Variants in RAB10 observed in about 807,000 individuals in gnomAD.
The protein encoded by RAB10 is RAB10, member RAS oncogene family, also known as ras-related protein Rab-10.
RAB10 carries 5 observed loss-of-function variants against 25.7 expected under a neutral mutation model. The ratio of observed to expected loss-of-function variants is 0.19; its 90% CI spans 0.10 to 0.41. The LOEUF (loss-of-function observed/expected upper bound fraction) is 0.41, where lower values mean the gene tolerates loss of function less well. RAB10 is among the 10% of genes least tolerant of loss of function. The pLI is 1.00. For synonymous variants in RAB10, 89 were observed against 86.4 expected (o/e 1.03, Z -0.16); for missense variants, 103 against 245.8 (o/e 0.42, Z 3.89).
chr2:26,064,159 A>G (rs1574534373), intron 1 of RAB10, among the ~76,000 whole-genome samples: 1 of 152,182 alleles, frequency 6.6e-6, no homozygotes, highest in African/African-American at 2.4e-5. Context: ...ATAGCCTGCC[A>G]TATTTCTTCA....
chr2:26,051,678 C>T (rs1367940965), intron 1 of RAB10, among the ~76,000 whole-genome samples: 1 of 151,140 alleles, frequency 6.6e-6, no homozygotes, highest in Non-Finnish European at 1.5e-5. Context: ...CACTTGAACC[C>T]AGGAGGCAGA....
intron 1 of RAB10, among the ~76,000 whole-genome samples, chr2:26,048,338 G>C (rs558542103): frequency 1.3e-5 from 2 of 152,296 alleles, no homozygotes; most frequent in Admixed American, 1.3e-4. Flanking sequence ...AGCAGTGTAT[G>C]AGTGCACTTT....
intron 3 of RAB10, 28 bp from the exon 4 acceptor site, chr2:26,127,116 G>A (rs1249856111): frequency 8.5e-6 from 13 of 1,537,012 alleles, no homozygotes; most frequent in Non-Finnish European, 1.2e-5. Context: ...ATGGTAGTAT[G>A]TAAAAGTAAA....
intron 2 of RAB10, 121 bp from the exon 3 acceptor site, chr2:26,109,647 T>G (rs773322801): frequency 3.0e-5 from 30 of 1,016,750 alleles, no homozygotes; most frequent in Non-Finnish European, 3.7e-5. Flanking sequence ...GGTAGGTTAT[T>G]AATTTCCTTC....
At chr2:26,048,414 G>A (rs1666061578) in intron 1 of RAB10, among the ~76,000 whole-genome samples, 1 of 152,298 alleles carries the variant, frequency 6.6e-6, no homozygotes, top group South Asian at 2.1e-4. Context: ...ATTCTGATAA[G>A]TGTGTAGTGA....
At chr2:26,122,643 A>T (rs903978804) in intron 3 of RAB10, among the ~76,000 whole-genome samples, 5 of 152,090 alleles carry the variant, frequency 3.3e-5, no homozygotes, top group African/African-American at 9.7e-5. Context: ...AAAACAAAAA[A>T]AAAGGGCATA....
intron 5 of RAB10, 130 bp from the exon 6 acceptor site, chr2:26,134,808 G>A: frequency 1.5e-6 from 1 of 657,904 alleles, no homozygotes; most frequent in Admixed American, 3.4e-5. Flanking sequence ...TGCACGGAGG[G>A]GAAACCTATC....
chr2:26,045,101 G>C (rs1559577035), intron 1 of RAB10, among the ~76,000 whole-genome samples: 1 of 151,740 alleles, frequency 6.6e-6, no homozygotes, highest in Non-Finnish European at 1.5e-5. Context: ...GCGCATAATA[G>C]AGAAGAGCCG....
At chr2:26,042,398 G>A (rs1173068936) in intron 1 of RAB10, among the ~76,000 whole-genome samples, 1 of 152,128 alleles carries the variant, frequency 6.6e-6, no homozygotes, top group Non-Finnish European at 1.5e-5. Flanking sequence ...CACTTTGGGA[G>A]GCTGAGGCAG....
rs1665725841 is a variant in RAB10 at position 26,034,728 on chromosome 2, C to T, written c.120C>T (p.Ser40=). 3.1e-6 allele frequency: 5 copies of T among 1,614,154 alleles called. No individual in the cohort carries two copies. Among genetic ancestry groups the T allele is most frequent in the African/African-American group, 2.7e-5 (2 of 75,026 alleles). ...SDDAFNTTFI[S]TIGIDFKIKT... is the part of the protein sequence containing the mutation. ...ATGCCTTCAATACTACCTTTATTTC[C>T]ACCATAGGTAAGACCTGTGGGAGGA... is the stretch of plus-strand genomic sequence containing the variant. Residue 40 remains serine (S), a synonymous_variant, in exon 1 of 6, where the codon TCC becomes TCT. Coordinates refer to ENST00000264710, the MANE Select transcript of RAB10 (RefSeq NM_016131.5).
chr2:26,055,890 A>G (rs1666251998), intron 1 of RAB10, among the ~76,000 whole-genome samples: 1 of 148,574 alleles, frequency 6.7e-6, no homozygotes. Context: ...AGAAAGATGT[A>G]GAACTTTTTT....
intron 1 of RAB10, among the ~76,000 whole-genome samples, chr2:26,078,955 C>T (rs912250790): frequency 2.0e-5 from 3 of 152,002 alleles, no homozygotes; most frequent in Non-Finnish European, 2.9e-5. Flanking sequence ...TTTGGGAGGC[C>T]AAGGTGGGCA....
At chr2:26,070,323 T>A (rs929433902) in intron 1 of RAB10, among the ~76,000 whole-genome samples, 6 of 152,196 alleles carry the variant, frequency 3.9e-5, no homozygotes, top group African/African-American at 1.4e-4. Flanking sequence ...ATCAAGTAGT[T>A]GTGTGATTTC....
At chr2:26,069,631 A>C (rs907019150) in intron 1 of RAB10, among the ~76,000 whole-genome samples, 2 of 151,676 alleles carry the variant, frequency 1.3e-5, no homozygotes, top group East Asian at 3.9e-4. Flanking sequence ...GCACCACTGC[A>C]CTCCAGTCTG....
chr2:26,116,440 G>A (rs1667689105), intron 3 of RAB10, among the ~76,000 whole-genome samples: 1 of 151,878 alleles, frequency 6.6e-6, no homozygotes, highest in South Asian at 2.1e-4. Flanking sequence ...TCACAGGGCT[G>A]GCTGCAGGAC....
At chr2:26,076,819 C>A (rs924033490) in intron 1 of RAB10, among the ~76,000 whole-genome samples, 13 of 151,912 alleles carry the variant, frequency 8.6e-5, no homozygotes, top group African/African-American at 3.1e-4. Context: ...TGGCAGGCGC[C>A]TGTAATCCCA....
At chr2:26,098,522 A>G (rs1418809950) in intron 1 of RAB10, 140 bp from the exon 2 acceptor site, 2 of 643,254 alleles carry the variant, frequency 3.1e-6, no homozygotes, top group Non-Finnish European at 2.7e-6. Flanking sequence ...ACATTTGCTC[A>G]GTGTTGCATA....
chr2:26,125,797 A>G (rs1229210180), intron 3 of RAB10, among the ~76,000 whole-genome samples: 1 of 152,000 alleles, frequency 6.6e-6, no homozygotes, highest in African/African-American at 2.4e-5. Context: ...ATGATTTACA[A>G]ATATTTCCTC....
chr2:26,128,032 C>T, intron 5 of RAB10, 81 bp downstream of exon 5: 1 of 1,231,164 alleles, frequency 8.1e-7, no homozygotes, highest in East Asian at 2.3e-5. Flanking sequence ...ACTGGATTTA[C>T]ATACAGAATT....
Sources: allele counts gnomAD v4.1 joint callset (sites outside exome capture counted in the v4.1 genomes callset), GRCh38; gene constraint gnomAD v4.1.1; transcripts MANE v1.5; gene names NCBI Gene and HGNC (gene_info 2026-07-23, HGNC 2026-07-21).